The following PROK2 variants were observed in gnomAD, a reference collection of about 807,000 sequenced individuals.
PROK2 encodes prokineticin 2.
A neutral mutation model predicts 14.2 loss-of-function variants in PROK2; 8 were observed. The observed-to-expected ratio is 0.56, with a 90% confidence interval of 0.33 to 1.02. PROK2 has a LOEUF of 1.02. PROK2 is among the 50% of genes least tolerant of loss of function. The probability of loss-of-function intolerance (pLI) is 0.03; values close to 1 mark genes in which losing one functional copy is unlikely to be tolerated. For missense variants in PROK2, 154 were observed against 160.4 expected, an observed-to-expected ratio of 0.96 and a Z score of 0.22; for synonymous variants, 59 against 60.7, an observed-to-expected ratio of 0.97 and a Z score of 0.13.
chr3:71,778,444 T>G (rs1315572186), intron 2 of PROK2, among the ~76,000 whole-genome samples: 1 of 152,148 alleles, frequency 6.6e-6, no homozygotes, highest in East Asian at 1.9e-4. Flanking sequence ...TGGTACATGT[T>G]AAATAAAACA....
chr3:71,774,595 C>T (rs933313538), intron 2 of PROK2, 88 bp from the exon 3 acceptor site: 1 of 1,478,174 alleles, frequency 6.8e-7, no homozygotes, highest in South Asian at 1.3e-5. Context: ...ATGTAGTGAA[C>T]TGGCGGAGCA....
chr3:71,776,351 C>T (rs1256982896), intron 2 of PROK2, among the ~76,000 whole-genome samples: 8 of 130,426 alleles, frequency 6.1e-5, no homozygotes, highest in African/African-American at 1.2e-4. Flanking sequence ...TTCTTTTTTT[C>T]TTTTCGCTTT....
At chr3:71,780,580 A>G (rs1050573036) in intron 2 of PROK2, among the ~76,000 whole-genome samples, 1 of 152,238 alleles carries the variant, frequency 6.6e-6, no homozygotes, top group African/African-American at 2.4e-5. Flanking sequence ...TTGCAACGCC[A>G]CTGGAGGCAC....
Position 71,774,473 on chromosome 3 carries a change from T to C in PROK2, c.257A>G (p.Lys86Arg). ...CTTTTTCCTTTTGCTTCTCTTCCTC[T>C]TTCTTCTTTCCTGCCTTCCATTTCC... Reference protein sequence around the residue: ...NFGNGRQERRKRKRSKRKKEV... With the variant: ...NFGNGRQERRRRKRSKRKKEV... The change falls in exon 3 of 4, where the codon AAG becomes AGG. Residue 86 changes from lysine (K) to arginine (R), a missense_variant. Transcript: ENST00000295619. 1 of 1,551,496 alleles carries C rather than the reference T, an allele frequency of 6.4e-7. No individual in the cohort carries two copies. The highest frequency in any genetic ancestry group is 8.7e-7 in the Non-Finnish European group (1 of 1,146,836).
Position 71,785,007 on chromosome 3 carries a change from G to A in PROK2, c.46C>T (p.Pro16Ser), listed in dbSNP as rs1369054897. ...GCGCGGGGCGTGAGCAGCAGCGGCG[G>A]CAGCAGCAAGAGGAGCAGGAGTGGG... The part of the protein sequence containing the change: ...CAPLLLLLLL[P>S]PLLLTPRAGD... The change falls in exon 1 of 4, where the codon CCG (proline) becomes TCG (serine). Residue 16 changes from proline (P) to serine (S), a missense_variant. Coordinates refer to ENST00000295619, the MANE Select transcript of PROK2 (RefSeq NM_001126128.2). 3.2e-6 allele frequency: 4 copies of A among 1,248,326 alleles called. No homozygotes were observed. Among genetic ancestry groups the A allele is most frequent in the East Asian group, 3.1e-5 (1 of 31,960 alleles). The allele number at this position is 1,248,326 out of a possible 1,614,324, so 77.3% of individuals were successfully genotyped here.
intron 2 of PROK2, among the ~76,000 whole-genome samples, chr3:71,777,449 T>G (rs749643695): frequency 6.6e-6 from 1 of 152,146 alleles, no homozygotes; most frequent in Non-Finnish European, 1.5e-5. Flanking sequence ...GTTTACAATG[T>G]TTCCTCATAG....
rs968036197 is a variant in PROK2 at position 71,784,958 on chromosome 3, C to G, written c.95G>C (p.Gly32Ala). Residue 32 changes from glycine (G) to alanine (A), a missense_variant and splice_region_variant, in exon 1 of 4, where the codon GGG becomes GCG. Gly to Ala is a moderately conservative substitution (Grantham distance 60). Transcript: ENST00000295619. ...PRAGDAAVIT[G>A]ACDKDSQCGG... ...GACAGGTGCGCCCGGGCCGCTTACC[C>G]CGGTGATCACGGCGGCGTCCCCAGC... 2 of 1,247,116 alleles carry G rather than the reference C, an allele frequency of 1.6e-6. No homozygotes were observed. The highest frequency in any genetic ancestry group is 2.0e-6 in the Non-Finnish European group (2 of 993,944). The allele number at this position is 1,247,116 out of a possible 1,614,324, so 77.3% of individuals were successfully genotyped here. A position where few individuals can be genotyped will look rare whatever the true frequency, so the allele number is the denominator to read the frequency against.
chr3:71,774,380 A>G, intron 3 of PROK2, 65 bp downstream of exon 3: 2 of 1,551,086 alleles, frequency 1.3e-6, no homozygotes, highest in Non-Finnish European at 1.7e-6. Context: ...ATGGTAGTCC[A>G]ACAATGTAAA....
In PROK2 at chr3:71,771,886, T is replaced by C. The variant is rs2050082299; in HGVS notation, c.*838A>G. On this transcript the variant is annotated 3_prime_UTR_variant, in exon 4 of 4. Transcript: ENST00000295619. Reference sequence around the variant, plus strand: ...TACTTCCTCTTCAAGTGACATTTTCTAGAATATCTCTAAGTAGGAGACTAA... The same window carrying C: ...TACTTCCTCTTCAAGTGACATTTTCCAGAATATCTCTAAGTAGGAGACTAA... 6.6e-6 allele frequency: 1 copy of C among 152,602 alleles called. No homozygotes were observed. Among genetic ancestry groups the C allele is most frequent in the African/African-American group, 2.4e-5 (1 of 41,466 alleles). 9.5% of individuals were successfully genotyped at this position (152,602 alleles called of 1,614,324 possible). A position where few individuals can be genotyped will look rare whatever the true frequency, so the allele number is the denominator to read the frequency against.
rs562389705 is a variant in PROK2 at position 71,779,800 on chromosome 3, G to T, written c.222+1667C>A. 1.8e-4 allele frequency among the ~76,000 whole-genome samples: 28 copies of T among 152,182 alleles called. No homozygotes were observed. The South Asian group carries it at 2.1e-3, about 11-fold the overall frequency. On this transcript the variant is annotated intron_variant, in intron 2 of 3. Transcript: ENST00000295619. ...TTTTAAAAATTTTTCTATAGAGACG[G>T]GGTCTCACTATGTTGCCCAGGCTGG...
intron 2 of PROK2, among the ~76,000 whole-genome samples, chr3:71,774,897 A>C (rs371424867): frequency 6.6e-6 from 1 of 152,184 alleles, no homozygotes; most frequent in African/African-American, 2.4e-5. Context: ...CCCTGAGACC[A>C]TAAGTTTCCT....
rs2050201444 is a variant in PROK2, at chr3:71,784,982, G to C, written c.71C>G (p.Ala24Gly). Residue 24 changes from alanine (A) to glycine (G), a missense_variant, in exon 1 of 4, where the codon GCT (alanine) becomes GGT (glycine). Ala to Gly is a moderately conservative substitution (Grantham distance 60). Coordinates refer to ENST00000295619, the MANE Select transcript of PROK2 (RefSeq NM_001126128.2). ...LLPPLLLTPR[A>G]GDAAVITGAC... Reference sequence around the variant, plus strand: ...CCCGGTGATCACGGCGGCGTCCCCAGCGCGGGGCGTGAGCAGCAGCGGCGG... The same window carrying C: ...CCCGGTGATCACGGCGGCGTCCCCACCGCGGGGCGTGAGCAGCAGCGGCGG... 17 of 1,249,910 alleles carry C rather than the reference G, an allele frequency of 1.4e-5. No homozygotes were observed. The highest frequency in any genetic ancestry group is 1.7e-5 in the Non-Finnish European group (17 of 995,032). 77.4% of individuals were successfully genotyped at this position (1,249,910 alleles called of 1,614,324 possible).
intron 1 of PROK2, among the ~76,000 whole-genome samples, chr3:71,783,973 AATG>A (rs1239408025): frequency 6.6e-6 from 1 of 152,254 alleles, no homozygotes; most frequent in Admixed American, 6.5e-5. Flanking sequence ...TTTAAAGTCA[AATG>A]ATATTATCTA....
chr3:71,781,567 C>T lies in PROK2; in HGVS notation c.122G>A (p.Gly41Asp), dbSNP rs200922174. The T allele has an allele frequency of 8.9e-5, 144 of 1,611,804 alleles. 1 individual carries two copies. The highest frequency in any genetic ancestry group is 2.4e-5 in the Non-Finnish European group (28 of 1,178,050). ...ACTGACAGCACAGCACATGCCTCCA[C>T]CACATTGGGAGTCCTTGTCACAAGC... ...TGACDKDSQC[G>D]GGMCCAVSIW... Residue 41 changes from glycine to aspartate, a missense_variant, in exon 2 of 4, where the codon GGT becomes GAT. By Grantham distance (94) the Gly-to-Asp change is moderately conservative (BLOSUM62 -1). Coordinates refer to ENST00000295619, the MANE Select transcript of PROK2 (RefSeq NM_001126128.2).
chr3:71,780,595 C>T (rs1287601080), intron 2 of PROK2, among the ~76,000 whole-genome samples: 1 of 152,196 alleles, frequency 6.6e-6, no homozygotes, highest in Admixed American at 6.5e-5. Context: ...AGGCACTTTA[C>T]CAATGGGAAA....
At chr3:71,779,104 A>G (rs1467013975) in intron 2 of PROK2, among the ~76,000 whole-genome samples, 2 of 152,218 alleles carry the variant, frequency 1.3e-5, no homozygotes, top group Admixed American at 6.5e-5. Context: ...TCTTTTAAAT[A>G]TTGCAGAGGA....
chr3:71,780,019 G>A (rs959841919), intron 2 of PROK2, among the ~76,000 whole-genome samples: 2 of 152,236 alleles, frequency 1.3e-5, no homozygotes, highest in Non-Finnish European at 2.9e-5. Flanking sequence ...AAAATAACGA[G>A]AGAAATGCTA....
intron 2 of PROK2, among the ~76,000 whole-genome samples, chr3:71,778,402 C>G (rs1419101740): frequency 6.6e-6 from 1 of 151,860 alleles, no homozygotes; most frequent in African/African-American, 2.4e-5. Context: ...AAAACAATAG[C>G]CTGTCAGGGA....
At chr3:71,782,785 A>C (rs555005035) in intron 1 of PROK2, among the ~76,000 whole-genome samples, 2 of 152,298 alleles carry the variant, frequency 1.3e-5, no homozygotes, top group South Asian at 4.1e-4. Context: ...ATTATTTCTC[A>C]TTAAAAGTAA....
Sources: gnomAD v4.1 joint callset for allele counts (sites outside exome capture counted in the v4.1 genomes callset) on GRCh38, gnomAD v4.1.1 for gene constraint, MANE v1.5 for transcripts, NCBI Gene and HGNC (gene_info 2026-07-23, HGNC 2026-07-21) for gene names.